The following SLC44A5 variants were observed in gnomAD, a reference collection of about 807,000 sequenced individuals.
SLC44A5 encodes the protein solute carrier family 44 member 5, also known as choline transporter-like protein 5.
In SLC44A5, 57 loss-of-function variants were observed where a neutral mutation model predicts 101.8. That is an observed-to-expected ratio of 0.56 (90% CI 0.45 to 0.70). The LOEUF (loss-of-function observed/expected upper bound fraction) is 0.70, where lower values mean the gene tolerates loss of function less well. Ranked by LOEUF, SLC44A5 falls within the 30% of genes least tolerant of loss-of-function variation. SLC44A5 has a pLI of 0.00. For missense variants in SLC44A5, 737 were observed against 853.1 expected (o/e 0.86, Z 1.70); for synonymous variants, 281 against 290.9 (o/e 0.97, Z 0.35).
At chr1:75,307,297 A>G (rs979602274) in intron 4 of SLC44A5, among the ~76,000 whole-genome samples, 2 of 152,148 alleles carry the variant, frequency 1.3e-5, no homozygotes, top group African/African-American at 4.8e-5. Context: ...CCCAAAGTCT[A>G]GAAGCATTGG....
chr1:75,266,087 T>C, intron 6 of SLC44A5, among the ~76,000 whole-genome samples: 1 of 152,170 alleles, frequency 6.6e-6, no homozygotes, highest in East Asian at 1.9e-4. Context: ...TAGAGTCTTT[T>C]TGGTTAGATA....
At chr1:75,574,501 C>A (rs768392219) in intron 1 of SLC44A5, among the ~76,000 whole-genome samples, 6 of 152,148 alleles carry the variant, frequency 3.9e-5, no homozygotes, top group Non-Finnish European at 8.8e-5. Flanking sequence ...TAACTATAAG[C>A]CAGCAGTGCT....
chr1:75,600,447 A>G (rs1347583516), intron 1 of SLC44A5, among the ~76,000 whole-genome samples: 10 of 152,184 alleles, frequency 6.6e-5, no homozygotes, highest in Non-Finnish European at 1.5e-4. Flanking sequence ...AACTCTGTAA[A>G]TCATTAGTTT....
intron 13 of SLC44A5, among the ~76,000 whole-genome samples, chr1:75,223,676 C>T (rs1361308852): frequency 1.6e-4 from 25 of 152,156 alleles, no homozygotes; most frequent in Non-Finnish European, 7.4e-5. Flanking sequence ...CTCATTATTT[C>T]ATTCTATTAT....
At chr1:75,646,245 T>A in the SLC44A5 span, among the ~76,000 whole-genome samples, 1 of 137,712 alleles carries the variant, frequency 7.3e-6, no homozygotes, top group Non-Finnish European at 1.6e-5. Context: ...TTCACGAAAT[T>A]GATTCTTCCT....
Position 75,242,918 on chromosome 1 carries a change from G to T in SLC44A5, c.439C>A (p.Gln147Lys). The change falls in exon 8 of 24, where the codon CAG (glutamine) becomes AAG (lysine). Residue 147 changes from glutamine (Q) to lysine (K), a missense_variant. By Grantham distance (53) the Gln-to-Lys change is moderately conservative (BLOSUM62 1). Coordinates refer to ENST00000370859, the MANE Select transcript of SLC44A5 (RefSeq NM_001130058.2). ...GGCTTAGCAGTGGTCTTACAGAACTGACGGTAGTCTTCCCAGTAGCTTTTG... is the reference window on the plus strand; with the variant it reads ...GGCTTAGCAGTGGTCTTACAGAACTTACGGTAGTCTTCCCAGTAGCTTTTG... ...KDKSYWEDYR[Q>K]FCKTTAKPVK... 1 of 1,612,156 alleles carries T rather than the reference G, an allele frequency of 6.2e-7. No individual in the cohort carries two copies. The highest frequency in any genetic ancestry group is 8.5e-7 in the Non-Finnish European group (1 of 1,179,018).
intron 2 of SLC44A5, among the ~76,000 whole-genome samples, chr1:75,477,303 GA>G (rs1207916020): frequency 1.3e-5 from 2 of 152,252 alleles, no homozygotes; most frequent in East Asian, 1.9e-4. Context: ...AAAGACGGGG[GA>G]AAAAACAGAG....
chr1:75,256,382 T>C (rs1208805719), intron 6 of SLC44A5, among the ~76,000 whole-genome samples: 2 of 152,042 alleles, frequency 1.3e-5, no homozygotes, highest in African/African-American at 4.8e-5. Flanking sequence ...ACCTTGTGGG[T>C]AAACAAAACA....
At chr1:75,708,875 T>A in the SLC44A5 span, among the ~76,000 whole-genome samples, 1 of 152,214 alleles carries the variant, frequency 6.6e-6, no homozygotes, top group Admixed American at 6.5e-5. Flanking sequence ...TGTGGGGTTT[T>A]AAAATAATTA....
chr1:75,665,633 C>A, the SLC44A5 span, among the ~76,000 whole-genome samples: 5 of 152,112 alleles, frequency 3.3e-5, no homozygotes, highest in East Asian at 9.7e-4. Flanking sequence ...TTCTGCACAG[C>A]AAAAGAAACT....
At chr1:75,627,907 A>G in the SLC44A5 span, among the ~76,000 whole-genome samples, 1 of 147,984 alleles carries the variant, frequency 6.8e-6, no homozygotes, top group Non-Finnish European at 1.5e-5. Context: ...GTATGAGTTG[A>G]AAGAGAATTT....
intron 4 of SLC44A5, among the ~76,000 whole-genome samples, chr1:75,337,015 T>G (rs992206356): frequency 6.6e-6 from 1 of 152,124 alleles, no homozygotes; most frequent in African/African-American, 2.4e-5. Context: ...AGCAAGAACT[T>G]TAAATATAGA....
intron 1 of SLC44A5, among the ~76,000 whole-genome samples, chr1:75,587,346 A>G (rs1674067285): frequency 6.6e-6 from 1 of 152,202 alleles, no homozygotes; most frequent in African/African-American, 2.4e-5. Flanking sequence ...TTTTACAGAT[A>G]ACATTTTGCA....
intron 3 of SLC44A5, among the ~76,000 whole-genome samples, chr1:75,346,105 G>A (rs962279485): frequency 6.6e-6 from 1 of 152,048 alleles, no homozygotes; most frequent in African/African-American, 2.4e-5. Flanking sequence ...GCAGAAACAT[G>A]ACCCCACATT....
chr1:75,482,648 G>T (rs1039090556), intron 2 of SLC44A5, among the ~76,000 whole-genome samples: 8 of 152,218 alleles, frequency 5.3e-5, no homozygotes, highest in African/African-American at 1.9e-4. Context: ...AGGAACATGA[G>T]TCTAATACAA....
chr1:75,247,964 G>T (rs1292526541), intron 7 of SLC44A5, among the ~76,000 whole-genome samples: 2 of 151,930 alleles, frequency 1.3e-5, no homozygotes, highest in African/African-American at 4.8e-5. Flanking sequence ...AGCTGGAGGG[G>T]GATGTGGGAT....
At chr1:75,711,193 G>A in the SLC44A5 span, among the ~76,000 whole-genome samples, 2 of 151,800 alleles carry the variant, frequency 1.3e-5, no homozygotes, top group African/African-American at 2.4e-5. Flanking sequence ...AGACTGCATA[G>A]GCCTTGACCC....
intron 2 of SLC44A5, among the ~76,000 whole-genome samples, chr1:75,529,208 C>T (rs1670589415): frequency 6.6e-6 from 1 of 152,112 alleles, no homozygotes; most frequent in South Asian, 2.1e-4. Flanking sequence ...TAATTTTAAC[C>T]TCTGGTTGCA....
chr1:75,686,481 C>T, the SLC44A5 span, among the ~76,000 whole-genome samples: 885 of 152,168 alleles, frequency 5.8e-3, 7 homozygotes, highest in Non-Finnish European at 7.0e-3. Context: ...AGCCCTAAAG[C>T]AGGAGTGTTT....
Sources: allele counts gnomAD v4.1 joint callset (sites outside exome capture counted in the v4.1 genomes callset), GRCh38; gene constraint gnomAD v4.1.1; transcripts MANE v1.5; gene names NCBI Gene and HGNC (gene_info 2026-07-23, HGNC 2026-07-21).